CD2: variants seen among roughly 807,000 people sequenced by gnomAD.
CD2 encodes T-cell surface antigen CD2.
Under a neutral mutation model 23.2 loss-of-function variants are expected in CD2, and 18 were observed. The observed-to-expected ratio is 0.77, with a 90% CI of 0.54 to 1.15. The LOEUF is 1.15. Among genes scored for constraint, CD2 ranks in the 50% most tolerant of loss-of-function variants. CD2 has a pLI of 0.00. For synonymous variants in CD2, 162 were observed against 151.9 expected, an observed-to-expected ratio of 1.07 and a Z score of -0.49; for missense variants, 424 against 423.1, an observed-to-expected ratio of 1.00 and a Z score of -0.02.
At chr1:116,755,929 C>T (rs1007317623) in intron 2 of CD2, among the ~76,000 whole-genome samples, 1 of 152,084 alleles carries the variant, frequency 6.6e-6, no homozygotes, top group Non-Finnish European at 1.5e-5. Flanking sequence ...CAGACAGGAA[C>T]CCCAGCATGA....
rs1402223797 is a variant in CD2 at position 116,754,854 on chromosome 1, G to T, written c.285G>T (p.Lys95Asn). 6.2e-7 allele frequency: 1 copy of T among 1,612,344 alleles called. No individual in the cohort carries two copies. The highest frequency in any genetic ancestry group is 1.7e-5 in the Admixed American group (1 of 59,984). The stretch of plus-strand genomic sequence containing the variant: ...TTAAAAATGGAACTCTGAAAATTAA[G>T]CATCTGAAGACCGATGATCAGGATA... Reference protein sequence around the residue: ...KLFKNGTLKIKHLKTDDQDIY... With the variant: ...KLFKNGTLKINHLKTDDQDIY... Residue 95 changes from lysine (K) to asparagine (N), a missense_variant, in exon 2 of 5, where the codon AAG (lysine) becomes AAT (asparagine). Physicochemically the swap from Lys to Asn is moderately conservative, Grantham distance 94 (BLOSUM62 0). Coordinates refer to ENST00000369478, the MANE Select transcript of CD2 (RefSeq NM_001767.5).
chr1:116,769,057 A>C lies in CD2; in HGVS notation c.*274A>C. ...AGGACCGAGCACAGAAATCTTAGAG[A>C]TTTCTTGTCCCCTCTCAGGTCATGT... On this transcript the variant is annotated 3_prime_UTR_variant, in exon 5 of 5. Coordinates refer to ENST00000369478, the MANE Select transcript of CD2 (RefSeq NM_001767.5). The C allele has an allele frequency of 2.4e-6, 1 of 409,496 alleles. No individual in the cohort carries two copies. The highest frequency in any genetic ancestry group is 4.3e-5 in the East Asian group (1 of 23,256). 25.4% of individuals were successfully genotyped at this position (409,496 alleles called of 1,614,324 possible).
At chr1:116,763,002 C>A (rs1222152322) in intron 3 of CD2, among the ~76,000 whole-genome samples, 1 of 152,226 alleles carries the variant, frequency 6.6e-6, no homozygotes, top group Non-Finnish European at 1.5e-5. Flanking sequence ...GCCTGCCCTG[C>A]CCCACCCCGG....
intron 2 of CD2, 100 bp downstream of exon 2, chr1:116,755,051 C>G (rs568069054): frequency 1.3e-6 from 1 of 792,666 alleles, no homozygotes; most frequent in South Asian, 1.9e-5. Flanking sequence ...ACCTCTGCCT[C>G]CAGGGGGGCT....
chr1:116,755,033 C>T, intron 2 of CD2, 82 bp downstream of exon 2: 1 of 928,400 alleles, frequency 1.1e-6, no homozygotes, highest in Non-Finnish European at 1.6e-6. Context: ...TAATATTCCC[C>T]AGCGCTGACC....
intron 2 of CD2, among the ~76,000 whole-genome samples, chr1:116,756,137 C>T (rs1238266116): frequency 6.6e-6 from 1 of 152,156 alleles, no homozygotes; most frequent in Non-Finnish European, 1.5e-5. Flanking sequence ...GAAGTGACAA[C>T]TTTCCACACC....
rs1472706401 is a variant in CD2, at chr1:116,760,707, C to T, written c.613+75C>T. ...GGCAGAGGCATGCTGCTCCAGGTCA[C>T]AGGTGCTCATGCTGGGAGGCAGCCC... On this transcript the variant is annotated intron_variant, in intron 3 of 4. Transcript: ENST00000369478. 2.9e-5 allele frequency: 33 copies of T among 1,148,090 alleles called. 1 individual carries two copies. The highest frequency in any genetic ancestry group is 4.1e-5 in the Non-Finnish European group (32 of 771,802). The allele number at this position is 1,148,090 out of a possible 1,614,324, so 71.1% of individuals were successfully genotyped here.
At chr1:116,768,224 C>A (rs141291773) in intron 4 of CD2, among the ~76,000 whole-genome samples, 57 of 152,254 alleles carry the variant, frequency 3.7e-4, no homozygotes, top group African/African-American at 1.2e-3. Flanking sequence ...AGCCCTCCAC[C>A]CATGTGTCTT....
intron 3 of CD2, among the ~76,000 whole-genome samples, chr1:116,764,235 A>G (rs1652143342): frequency 6.6e-6 from 1 of 152,172 alleles, no homozygotes; most frequent in Admixed American, 6.5e-5. Context: ...GCCTTGGTGC[A>G]TGAACAATCA....
intron 2 of CD2, among the ~76,000 whole-genome samples, chr1:116,760,192 C>T (rs1158612350): frequency 6.6e-6 from 1 of 152,124 alleles, no homozygotes; most frequent in Non-Finnish European, 1.5e-5. Context: ...TATTTAGTGG[C>T]ATAATGTATC....
intron 3 of CD2, among the ~76,000 whole-genome samples, chr1:116,761,805 C>T (rs537863928): frequency 4.8e-4 from 73 of 152,136 alleles, no homozygotes; most frequent in Non-Finnish European, 9.7e-4. Flanking sequence ...ATCACTAAGG[C>T]ACAGTAAGTG....
At chr1:116,761,688 C>A (rs1020915252) in intron 3 of CD2, among the ~76,000 whole-genome samples, 1 of 152,178 alleles carries the variant, frequency 6.6e-6, no homozygotes, top group Non-Finnish European at 1.5e-5. Context: ...GGTGAGAATA[C>A]CAGGAAGCAG....
intron 4 of CD2, among the ~76,000 whole-genome samples, chr1:116,767,378 G>T (rs896569499): frequency 3.9e-5 from 6 of 152,210 alleles, no homozygotes; most frequent in African/African-American, 1.4e-4. Flanking sequence ...CAGATCACCT[G>T]GTCGGGAGTT....
chr1:116,768,379 T>C lies in CD2; in HGVS notation c.737-85T>C, dbSNP rs543762110. On this transcript the variant is annotated intron_variant, in intron 4 of 4. Transcript: ENST00000369478. Reference sequence around the variant, plus strand: ...ATTGCATCCCCCAAAGCAGCTAGCATGGCGCCTTGCATATAAAAGGTACTC... The same window carrying C: ...ATTGCATCCCCCAAAGCAGCTAGCACGGCGCCTTGCATATAAAAGGTACTC... 29 of 1,298,802 alleles carry C rather than the reference T, an allele frequency of 2.2e-5. No individual in the cohort carries two copies. In the East Asian group the frequency reaches 5.9e-4, roughly 26 times the overall value. 80.5% of individuals were successfully genotyped at this position (1,298,802 alleles called of 1,614,324 possible).
chr1:116,764,993 A>G lies in CD2; in HGVS notation c.736+387A>G, dbSNP rs117945638. ...TCTATGGGTGGCCCAAGGTGAGTTC[A>G]GGACCAAGCTCCTAGAAACACAGGG... On this transcript the variant is annotated intron_variant, in intron 4 of 4. Coordinates refer to ENST00000369478, the MANE Select transcript of CD2 (RefSeq NM_001767.5). Among the ~76,000 whole-genome samples, 86 of 152,354 alleles carry G rather than the reference A, an allele frequency of 5.6e-4. 1 individual carries two copies. The East Asian group carries it at 0.014, about 26-fold the overall frequency.
At chr1:116,764,674 G>A in intron 4 of CD2, 68 bp downstream of exon 4, 1 of 1,163,110 alleles carries the variant, frequency 8.6e-7, no homozygotes, top group Non-Finnish European at 1.3e-6. Context: ...TCATGGGGAT[G>A]ACACCTTGAA....
chr1:116,755,201 G>T (rs1651801523), intron 2 of CD2, among the ~76,000 whole-genome samples: 1 of 152,174 alleles, frequency 6.6e-6, no homozygotes, highest in Admixed American at 6.5e-5. Context: ...TGTGGGGTTG[G>T]GTGAAGAACC....
chr1:116,762,015 A>G (rs1197662493), intron 3 of CD2, among the ~76,000 whole-genome samples: 1 of 152,000 alleles, frequency 6.6e-6, no homozygotes, highest in East Asian at 1.9e-4. Context: ...AATTTTGTAG[A>G]GATAAGGTCT....
chr1:116,762,095 G>T (rs1652073079), intron 3 of CD2, among the ~76,000 whole-genome samples: 3 of 152,290 alleles, frequency 2.0e-5, no homozygotes, highest in South Asian at 4.1e-4. Context: ...CTCCCAAAGT[G>T]CTGGGATTAT....
Sources: gnomAD v4.1 joint callset for allele counts (sites outside exome capture counted in the v4.1 genomes callset) on GRCh38, gnomAD v4.1.1 for gene constraint, MANE v1.5 for transcripts, NCBI Gene and HGNC (gene_info 2026-07-23, HGNC 2026-07-21) for gene names.